Variants in LMNB2 observed in about 807,000 individuals in gnomAD.
The protein encoded by LMNB2 is lamin B2, also known as lamin-B2.
LMNB2 carries 17 observed loss-of-function variants against 69.3 expected under a neutral mutation model. The ratio of observed to expected loss-of-function variants is 0.25; its 90% CI spans 0.17 to 0.37. The LOEUF is 0.37. LMNB2 is among the 10% of genes least tolerant of loss of function. The pLI is 1.00. For missense variants in LMNB2, 789 were observed against 883.6 expected, an observed-to-expected ratio of 0.89 and a Z score of 1.36; for synonymous variants, 397 against 389.3, an observed-to-expected ratio of 1.02 and a Z score of -0.23.
intron 4 of LMNB2, 28 bp from the exon 5 acceptor site, chr19:2,435,199 G>T (rs1473853670): frequency 6.3e-7 from 1 of 1,597,308 alleles, no homozygotes; most frequent in Admixed American, 1.7e-5. Context: ...GTGACCCTCT[G>T]GTCCCGCCTG....
Position 2,435,065 on chromosome 19 carries a change from C to T in LMNB2, c.791G>A (p.Arg264Gln). The part of the protein sequence containing the change: ...FKMAQALEEL[R>Q]SQHDEQVRLY... The stretch of plus-strand genomic sequence containing the variant: ...CCGCACTTGCTCGTCGTGCTGGCTC[C>T]GCAGCTCCTCCAGCGCCTGTGCCAT... The change falls in exon 5 of 12, where the codon CGG becomes CAG. Residue 264 changes from arginine to glutamine, a missense_variant. This residue lies in a region of LMNB2 where 609 missense variants were observed against 630.9 expected (regional missense o/e 0.97). Transcript: ENST00000325327. 1 of 1,610,850 alleles carries T rather than the reference C, an allele frequency of 6.2e-7. No individual in the cohort carries two copies. Among genetic ancestry groups the T allele is most frequent in the Non-Finnish European group, 8.5e-7 (1 of 1,179,738 alleles).
At position 2,434,088 on chromosome 19, in the gene LMNB2, C is replaced by G. The variant is rs755373660; in HGVS notation, c.1220G>C (p.Ser407Thr). The G allele has an allele frequency of 6.3e-7, 1 of 1,590,588 alleles. No homozygotes were observed. The highest frequency in any genetic ancestry group is 8.5e-7 in the Non-Finnish European group (1 of 1,170,526). Residue 407 changes from serine to threonine, a missense_variant, in exon 8 of 12, where the codon AGC becomes ACC. Ser to Thr is a moderately conservative substitution (Grantham distance 58). Around this residue, in one of 3 missense-constraint regions of LMNB2, gnomAD observed 609 missense variants for 630.9 expected, o/e 0.97. Coordinates refer to ENST00000325327, the MANE Select transcript of LMNB2 (RefSeq NM_032737.4). The stretch of plus-strand genomic sequence containing the variant: ...TGAGACGGTGACGCGCGAGGATGGG[C>G]TGGGGGACAGCTTCAGCCTGTGGGG... ...GEEERLKLSP[S>T]PSSRVTVSRA...
intron 2 of LMNB2, among the ~76,000 whole-genome samples, chr19:2,442,738 GT>G (rs1210556096): frequency 6.6e-6 from 1 of 152,130 alleles, no homozygotes; most frequent in Non-Finnish European, 1.5e-5. Flanking sequence ...CAGAGACCCT[GT>G]CTTAATGAAA....
At chr19:2,439,352 T>C (rs574143188) in intron 2 of LMNB2, among the ~76,000 whole-genome samples, 2 of 151,208 alleles carry the variant, frequency 1.3e-5, no homozygotes, top group African/African-American at 2.4e-5. Context: ...CCCAGGGTTC[T>C]GCAGCGTCAC....
chr19:2,445,021 C>T (rs1248095589), intron 1 of LMNB2, among the ~76,000 whole-genome samples: 1 of 152,198 alleles, frequency 6.6e-6, no homozygotes, highest in Non-Finnish European at 1.5e-5. Context: ...TTCACACTCT[C>T]GGTTTCAGAA....
rs11084940 is a variant in LMNB2 at position 2,433,892 on chromosome 19, A to G, written c.1416T>C (p.Gly472=). ...FHLAQQASAS[G]SVSIEEIDLE... ...GGTCGATCTCCTCGATGCTGACGCT[A>G]CCCGAGGCCGAGGCCTGCTGGGCCA... The change falls in exon 8 of 12, where the codon GGT becomes GGC. Residue 472 remains glycine (G), a synonymous_variant. Coordinates refer to ENST00000325327, the MANE Select transcript of LMNB2 (RefSeq NM_032737.4). 0.5 allele frequency: 814,366 copies of G among 1,612,816 alleles called. 212,747 individuals carry two copies. The highest frequency in any genetic ancestry group is 0.81 in the African/African-American group (60,724 of 75,004).
chr19:2,438,218 T>C lies in LMNB2; in HGVS notation c.629A>G (p.Asn210Ser). Residue 210 changes from asparagine (N) to serine (S), a missense_variant, in exon 4 of 12, where the codon AAC becomes AGC. Asn to Ser is a conservative substitution (Grantham distance 46, BLOSUM62 1). Around this residue, in one of 3 missense-constraint regions of LMNB2, gnomAD observed 609 missense variants for 630.9 expected, o/e 0.97. Transcript: ENST00000325327. ...KETLMRVDLE[N>S]RCQSLQEELD... Reference sequence around the variant, plus strand: ...CTCCTCCTGCAGGCTCTGGCAGCGGTTCTCCAGGTCCACACGCATCAGCGT... The same window carrying C: ...CTCCTCCTGCAGGCTCTGGCAGCGGCTCTCCAGGTCCACACGCATCAGCGT... The C allele has an allele frequency of 6.2e-7, 1 of 1,614,038 alleles. No homozygotes were observed. Among genetic ancestry groups the C allele is most frequent in the Non-Finnish European group, 8.5e-7 (1 of 1,180,016 alleles).
chr19:2,432,054 G>A, intron 9 of LMNB2, 152 bp from the exon 10 acceptor site: 1 of 1,054,988 alleles, frequency 9.5e-7, no homozygotes, highest in East Asian at 2.6e-5. Context: ...ATGGTCCCCA[G>A]GATACACAAG....
chr19:2,432,003 G>A lies in LMNB2; in HGVS notation c.1591-101C>T, dbSNP rs922035705. ...CACAAAGCCCCCTTCAATGCCCTGGGCGTTCAGTCCTTCCAGCCCGACGCA... is the reference window on the plus strand; with the variant it reads ...CACAAAGCCCCCTTCAATGCCCTGGACGTTCAGTCCTTCCAGCCCGACGCA... On this transcript the variant is annotated intron_variant, in intron 9 of 11. Coordinates refer to ENST00000325327, the MANE Select transcript of LMNB2 (RefSeq NM_032737.4). The A allele has an allele frequency of 5.5e-6, 8 of 1,442,904 alleles. No individual in the cohort carries two copies. In the East Asian group the frequency reaches 9.9e-5, roughly 18 times the overall value. The allele number at this position is 1,442,904 out of a possible 1,614,324, so 89.4% of individuals were successfully genotyped here. A position where few individuals can be genotyped will look rare whatever the true frequency, so the allele number is the denominator to read the frequency against.
chr19:2,438,187 G>C lies in LMNB2; in HGVS notation c.660C>G (p.Asp220Glu). The change falls in exon 4 of 12, where the codon GAC (aspartate) becomes GAG (glutamate). Residue 220 changes from aspartate to glutamate, a missense_variant. Physicochemically the swap from Asp to Glu is conservative, Grantham distance 45. Transcript: ENST00000325327. The part of the protein sequence containing the change: ...NRCQSLQEEL[D>E]FRKSVFEEEV... ...CCTCCTCGAACACACTCTTCCGGAA[G>C]TCCAGCTCCTCCTGCAGGCTCTGGC... 4.3e-6 allele frequency: 7 copies of C among 1,614,032 alleles called. No homozygotes were observed. The highest frequency in any genetic ancestry group is 1.3e-5 in the African/African-American group (1 of 75,072).
rs144691121 is a variant in LMNB2 at position 2,430,649 on chromosome 19, C to T, written c.*262G>A. ...CATCTTCTAAACCTCCGGGTCCTGGCCCTGGGCTTCCAATTTGACCAAATG... is the reference window on the plus strand; with the variant it reads ...CATCTTCTAAACCTCCGGGTCCTGGTCCTGGGCTTCCAATTTGACCAAATG... On this transcript the variant is annotated 3_prime_UTR_variant, in exon 12 of 12. Transcript: ENST00000325327. 5,198 of 563,840 alleles carry T rather than the reference C, an allele frequency of 9.2e-3. 37 individuals are homozygous for T. Among genetic ancestry groups the T allele is most frequent in the Middle Eastern group, 0.015 (31 of 2,114 alleles). The allele number at this position is 563,840 out of a possible 1,614,324, so 34.9% of individuals were successfully genotyped here. A position where few individuals can be genotyped will look rare whatever the true frequency, so the allele number is the denominator to read the frequency against.
intron 1 of LMNB2, among the ~76,000 whole-genome samples, chr19:2,449,239 C>G (rs74473284): frequency 6.6e-6 from 1 of 152,106 alleles, no homozygotes; most frequent in East Asian, 1.9e-4. Flanking sequence ...ATTGTGTAAC[C>G]GGTGCCCACA....
chr19:2,435,776 C>T (rs573154329), intron 4 of LMNB2, among the ~76,000 whole-genome samples: 49 of 151,728 alleles, frequency 3.2e-4, no homozygotes, highest in African/African-American at 1.2e-3. Flanking sequence ...CAGGATCGCA[C>T]CATTGCACTC....
At chr19:2,455,708 A>T (rs907553182) in intron 1 of LMNB2, among the ~76,000 whole-genome samples, 2 of 151,998 alleles carry the variant, frequency 1.3e-5, no homozygotes, top group South Asian at 4.1e-4. Flanking sequence ...GGAGGTCCCC[A>T]AGAGAATGGG....
chr19:2,456,631 G>T (rs1285491778), intron 1 of LMNB2, 39 bp downstream of exon 1: 2 of 1,436,324 alleles, frequency 1.4e-6, no homozygotes, highest in African/African-American at 3.0e-5. Context: ...GGGGCCTGCC[G>T]GCTGCACCCC....
intron 1 of LMNB2, among the ~76,000 whole-genome samples, chr19:2,449,392 G>A (rs1253048122): frequency 6.6e-6 from 1 of 152,166 alleles, no homozygotes; most frequent in Non-Finnish European, 1.5e-5. Context: ...CTAACGACAC[G>A]CTTTCCACAA....
At chr19:2,435,301 C>G in intron 4 of LMNB2, 130 bp from the exon 5 acceptor site, 2 of 1,310,640 alleles carry the variant, frequency 1.5e-6, no homozygotes, top group Non-Finnish European at 2.1e-6. Flanking sequence ...AGTTACAAAC[C>G]GATACACGTG....
At chr19:2,445,755 A>T (rs1349303410) in intron 1 of LMNB2, among the ~76,000 whole-genome samples, 1 of 49,816 alleles carries the variant, frequency 2.0e-5, no homozygotes, top group Non-Finnish European at 3.6e-5. Flanking sequence ...CCCACGTTTC[A>T]CCCCTCGATC....
chr19:2,446,390 CT>C (rs1971956429), intron 1 of LMNB2, among the ~76,000 whole-genome samples: 2 of 152,174 alleles, frequency 1.3e-5, no homozygotes, highest in South Asian at 2.1e-4. Context: ...ACCCGCCCCT[CT>C]CGAGGGCCTC....
Sources: allele counts gnomAD v4.1 joint callset (sites outside exome capture counted in the v4.1 genomes callset), GRCh38; gene constraint gnomAD v4.1.1; regional missense constraint gnomAD v4.1.1; transcripts MANE v1.5; gene names NCBI Gene and HGNC (gene_info 2026-07-23, HGNC 2026-07-21).